KLRG1: variants seen among roughly 807,000 people sequenced by gnomAD.
KLRG1 encodes the protein killer cell lectin-like receptor subfamily G member 1.
Under a neutral mutation model 21.8 loss-of-function variants are expected in KLRG1, and 16 were observed. The observed-to-expected ratio is 0.73, with a 90% CI of 0.50 to 1.11. The LOEUF (loss-of-function observed/expected upper bound fraction) is 1.11. KLRG1 is among the 50% of genes most tolerant of loss of function. The probability of loss-of-function intolerance (pLI) is 0.00; values close to 1 mark genes in which losing one functional copy is unlikely to be tolerated. For synonymous variants in KLRG1, 69 were observed against 75.9 expected, an observed-to-expected ratio of 0.91 and a Z score of 0.47; for missense variants, 173 against 218.3, an observed-to-expected ratio of 0.79 and a Z score of 1.31.
the KLRG1 span, among the ~76,000 whole-genome samples, chr12:9,043,519 G>A: frequency 6.6e-6 from 1 of 152,260 alleles, no homozygotes; most frequent in Non-Finnish European, 1.5e-5. Flanking sequence ...TTATGCTTAA[G>A]AAGATGAGGC....
At chr12:9,086,577 GACAGAAT>G in the KLRG1 span, among the ~76,000 whole-genome samples, 2 of 152,158 alleles carry the variant, frequency 1.3e-5, no homozygotes, top group Non-Finnish European at 2.9e-5. Flanking sequence ...AAAAGTATTT[GACAGAAT>G]TCAATGCTCT....
chr12:8,970,701 A>G (rs1249609186), intron 1 of KLRG1, among the ~76,000 whole-genome samples: 8 of 152,216 alleles, frequency 5.3e-5, no homozygotes, highest in Admixed American at 4.6e-4. Context: ...TCTTACTGAG[A>G]TAACATTCAA....
At chr12:9,104,491 A>G in the KLRG1 span, 12 of 1,342,112 alleles carry the variant, frequency 8.9e-6, no homozygotes, top group African/African-American at 1.5e-5. Context: ...TGCCTCCTCT[A>G]TGTTGAACAT....
At chr12:9,198,976 A>G in the KLRG1 span, among the ~76,000 whole-genome samples, 1 of 152,140 alleles carries the variant, frequency 6.6e-6, no homozygotes, top group African/African-American at 2.4e-5. Flanking sequence ...TTTGTAGGCT[A>G]TCAGTTTTGC....
chr12:9,107,523 C>T, the KLRG1 span: 5 of 1,613,852 alleles, frequency 3.1e-6, no homozygotes, highest in Non-Finnish European at 8.5e-7. Context: ...GTTCAACCTA[C>T]CTGTCCACTG....
chr12:9,153,989 C>T, the KLRG1 span, among the ~76,000 whole-genome samples: 1 of 152,170 alleles, frequency 6.6e-6, no homozygotes, highest in Non-Finnish European at 1.5e-5. Flanking sequence ...AAGAAGAGCA[C>T]TCTCAGGGAA....
At chr12:9,140,264 AG>A in the KLRG1 span, among the ~76,000 whole-genome samples, 28 of 151,742 alleles carry the variant, frequency 1.8e-4, no homozygotes, top group African/African-American at 6.3e-4. Context: ...GCATAGTAGT[AG>A]GGGGGGGCCC....
chr12:9,178,431 A>G, the KLRG1 span, among the ~76,000 whole-genome samples: 171 of 152,226 alleles, frequency 1.1e-3, 1 homozygote, highest in Middle Eastern at 0.01. Flanking sequence ...CATGGCCCCA[A>G]TGCACCAGAG....
chr12:9,112,112 G>T, the KLRG1 span: 3 of 1,585,024 alleles, frequency 1.9e-6, no homozygotes, highest in South Asian at 3.3e-5. Context: ...CAGGTTCCCA[G>T]CCTGTTTATA....
At chr12:9,206,404 A>G in the KLRG1 span, among the ~76,000 whole-genome samples, 1 of 152,192 alleles carries the variant, frequency 6.6e-6, no homozygotes. Flanking sequence ...TTGAAATCAG[A>G]ACAAATCCAG....
At chr12:9,142,175 C>T in the KLRG1 span, among the ~76,000 whole-genome samples, 2 of 152,136 alleles carry the variant, frequency 1.3e-5, no homozygotes, top group Admixed American at 1.3e-4. Context: ...AAGATGATAA[C>T]AGTCCTTTCC....
the KLRG1 span, chr12:9,068,709 A>T: frequency 8.0e-6 from 12 of 1,504,628 alleles, no homozygotes; most frequent in Non-Finnish European, 1.1e-5. Flanking sequence ...CAGGAATTAA[A>T]TATTTCTACG....
the KLRG1 span, among the ~76,000 whole-genome samples, chr12:9,202,109 T>G: frequency 6.6e-6 from 1 of 152,196 alleles, no homozygotes; most frequent in African/African-American, 2.4e-5. Context: ...ATTGCCAGAC[T>G]GATTAAATAC....
At chr12:9,017,994 A>C in the KLRG1 span, among the ~76,000 whole-genome samples, 1 of 152,358 alleles carries the variant, frequency 6.6e-6, no homozygotes, top group East Asian at 1.9e-4. Context: ...AAAAGAAATC[A>C]AGAAAGTAAT....
the KLRG1 span, among the ~76,000 whole-genome samples, chr12:9,108,156 C>T: frequency 2.2e-4 from 33 of 151,332 alleles, no homozygotes; most frequent in Non-Finnish European, 4.3e-4. Flanking sequence ...GATGGAGTCT[C>T]GCTCTGTCGC....
At chr12:9,201,179 G>A in the KLRG1 span, 2 of 1,407,022 alleles carry the variant, frequency 1.4e-6, no homozygotes, top group East Asian at 2.3e-5. Context: ...ACAGAAGGAA[G>A]AGAAAATACA....
At chr12:9,018,565 G>T in the KLRG1 span, among the ~76,000 whole-genome samples, 1 of 151,914 alleles carries the variant, frequency 6.6e-6, no homozygotes, top group Non-Finnish European at 1.5e-5. Flanking sequence ...GAGAAAACTG[G>T]ATATTCATAT....
At position 8,964,921 on chromosome 12, in the gene KLRG1, T is replaced by C. The variant is rs1441434867; in HGVS notation, c.-156+14685T>C. Among the ~76,000 whole-genome samples, 3 of 152,094 alleles carry C rather than the reference T, an allele frequency of 2.0e-5. No homozygotes were observed. In the East Asian group the frequency reaches 5.8e-4, roughly 29 times the overall value. Reference sequence around the variant, plus strand: ...TTCCTCCATCCCTTTATTTTGAGCCTATGTGTGTCTCTGCACATGAGATGG... The same window carrying C: ...TTCCTCCATCCCTTTATTTTGAGCCCATGTGTGTCTCTGCACATGAGATGG... On this transcript the variant is annotated intron_variant, in intron 1 of 4. Transcript: ENST00000539240.
At chr12:9,037,527 T>A in the KLRG1 span, among the ~76,000 whole-genome samples, 1 of 152,076 alleles carries the variant, frequency 6.6e-6, no homozygotes, top group Admixed American at 6.6e-5. Flanking sequence ...ATGAAAAAAA[T>A]TTTTTAAAAT....
Sources: allele counts gnomAD v4.1 joint callset (sites outside exome capture counted in the v4.1 genomes callset), GRCh38; gene constraint gnomAD v4.1.1; transcripts MANE v1.5; gene names NCBI Gene and HGNC (gene_info 2026-07-23, HGNC 2026-07-21).